The following ANKRD26 variants were observed in gnomAD, a reference collection of about 807,000 sequenced individuals.
ANKRD26 encodes the protein ankyrin repeat domain 26, also known as ankyrin repeat domain-containing protein 26.
A neutral mutation model predicts 208.7 loss-of-function variants in ANKRD26; 141 were observed. The observed-to-expected ratio is 0.68, with a 90% CI of 0.59 to 0.78. The LOEUF is 0.78. ANKRD26 is among the 30% of genes least tolerant of loss of function. ANKRD26 has a pLI of 0.00. For missense variants in ANKRD26, 1,889 were observed against 1,938.7 expected, an observed-to-expected ratio of 0.97 and a Z score of 0.48; for synonymous variants, 636 against 660.4, an observed-to-expected ratio of 0.96 and a Z score of 0.57.
intron 28 of ANKRD26, among the ~76,000 whole-genome samples, chr10:27,023,251 A>T (rs1206779109): frequency 6.6e-6 from 1 of 152,120 alleles, no homozygotes; most frequent in Non-Finnish European, 1.5e-5. Flanking sequence ...CGGAGCCAGG[A>T]GAATGGCTTG....
the ANKRD26 span, among the ~76,000 whole-genome samples, chr10:26,966,398 G>T: frequency 6.6e-6 from 1 of 152,154 alleles, no homozygotes; most frequent in African/African-American, 2.4e-5. Flanking sequence ...GCCAAACACT[G>T]CATGTTCTCA....
chr10:27,025,011 T>A (rs2053613799), intron 27 of ANKRD26, among the ~76,000 whole-genome samples: 1 of 152,236 alleles, frequency 6.6e-6, no homozygotes, highest in Admixed American at 6.5e-5. Context: ...TCTCTCATTC[T>A]CTATAAACAT....
rs373973624 is a variant in ANKRD26, at chr10:27,022,645, T to A, written c.4128A>T (p.Glu1376Asp). The A allele has an allele frequency of 6.3e-7, 1 of 1,580,918 alleles. No homozygotes were observed. Among genetic ancestry groups the A allele is most frequent in the Non-Finnish European group, 8.7e-7 (1 of 1,154,830 alleles). Residue 1376 changes from glutamate (E) to aspartate (D), a missense_variant, in exon 29 of 34, where the codon GAA becomes GAT. Physicochemically the swap from Glu to Asp is conservative, Grantham distance 45. This residue lies in a region of ANKRD26 where 613 missense variants were observed against 648.2 expected (regional missense o/e 0.95). Transcript: ENST00000376087. ...LLKMTRKKLN[E>D]YENGEFSFHG... is the part of the protein sequence containing the mutation. Reference sequence around the variant, plus strand: ...GGAAACTAAATTCTCCATTTTCATATTCATTTAACTTCTTTCTTGTCATTT... The same window carrying A: ...GGAAACTAAATTCTCCATTTTCATAATCATTTAACTTCTTTCTTGTCATTT...
chr10:27,034,970 TTTA>T lies in ANKRD26; in HGVS notation c.3477_3479del (p.Asn1159del). 6.2e-7 allele frequency: 1 copy of T among 1,614,136 alleles called. No individual in the cohort carries two copies. The highest frequency in any genetic ancestry group is 1.1e-5 in the South Asian group (1 of 91,080). On this transcript the variant is annotated inframe_deletion, in exon 24 of 34. Transcript: ENST00000376087. ...CTTGGATATTAATCACTGTCTTCTCTTTATTGTCAGCCTTGTTGTGGGCATCAT... is the reference window on the plus strand; with the variant it reads ...CTTGGATATTAATCACTGTCTTCTCTTTGTCAGCCTTGTTGTGGGCATCAT...
At chr10:27,018,227 C>T (rs574533013) in intron 29 of ANKRD26, among the ~76,000 whole-genome samples, 3 of 150,220 alleles carry the variant, frequency 2.0e-5, no homozygotes, top group Admixed American at 6.6e-5. Context: ...CTTTGCCTCC[C>T]GGGTTCATGC....
Position 27,034,961 on chromosome 10 carries a change from T to C in ANKRD26, c.3489A>G (p.Thr1163=), listed in dbSNP as rs768000436. The change falls in exon 24 of 34, where the codon ACA becomes ACG. Residue 1163 remains threonine (T), a synonymous_variant. Coordinates refer to ENST00000376087, the MANE Select transcript of ANKRD26 (RefSeq NM_014915.3). The part of the protein sequence containing the change: ...AHNKADNKEK[T]VINIQDQFHA... The stretch of plus-strand genomic sequence containing the variant: ...GAAACTGGTCTTGGATATTAATCAC[T>C]GTCTTCTCTTTATTGTCAGCCTTGT... The C allele has an allele frequency of 1.2e-6, 2 of 1,614,150 alleles. No individual in the cohort carries two copies. Among genetic ancestry groups the C allele is most frequent in the South Asian group, 2.2e-5 (2 of 91,084 alleles).
At chr10:26,948,747 G>T in the ANKRD26 span, among the ~76,000 whole-genome samples, 1 of 152,196 alleles carries the variant, frequency 6.6e-6, no homozygotes, top group Non-Finnish European at 1.5e-5. Flanking sequence ...CAGCACTTTG[G>T]GAGGACGAGG....
chr10:27,061,074 C>A, intron 13 of ANKRD26, 70 bp downstream of exon 13: 1 of 1,149,208 alleles, frequency 8.7e-7, no homozygotes, highest in South Asian at 1.2e-5. Flanking sequence ...AGAAAGTGTT[C>A]TGAATTGATC....
chr10:27,082,909 AGTTT>A, intron 5 of ANKRD26, 76 bp from the exon 6 acceptor site: 1 of 1,510,276 alleles, frequency 6.6e-7, no homozygotes, highest in Non-Finnish European at 8.9e-7. Context: ...TAAGACTGAT[AGTTT>A]GTTACAAAGT....
At chr10:27,033,136 G>T in intron 25 of ANKRD26, 89 bp downstream of exon 25, 5 of 865,004 alleles carry the variant, frequency 5.8e-6, no homozygotes, top group South Asian at 2.6e-5. Context: ...AAACACAAAA[G>T]AAGGCTACCC....
intron 5 of ANKRD26, among the ~76,000 whole-genome samples, chr10:26,979,525 T>C (rs967146210): frequency 1.4e-4 from 21 of 152,170 alleles, no homozygotes; most frequent in Admixed American, 1.3e-3. Context: ...ATGAGATAGT[T>C]TTCTTAGACA....
rs1265955562 is a variant in ANKRD26, at chr10:27,067,270, G to A, written c.1094C>T (p.Pro365Leu). 1 of 1,612,948 alleles carries A rather than the reference G, an allele frequency of 6.2e-7. No homozygotes were observed. Among genetic ancestry groups the A allele is most frequent in the Non-Finnish European group, 8.5e-7 (1 of 1,179,854 alleles). ...ACCATTTTCTTTTTTTGCAATGCCT[G>A]GCTTTGTTGGTTCTTCCTATTAAAA... Reference protein sequence around the residue: ...PGLMKEEPTKPGIAKKENGID... With the variant: ...PGLMKEEPTKLGIAKKENGID... The change falls in exon 10 of 34, where the codon CCA becomes CTA. Residue 365 changes from proline (P) to leucine (L), a missense_variant. Physicochemically the swap from Pro to Leu is moderately conservative, Grantham distance 98. Coordinates refer to ENST00000376087, the MANE Select transcript of ANKRD26 (RefSeq NM_014915.3).
intron 6 of ANKRD26, among the ~76,000 whole-genome samples, chr10:27,082,080 A>G (rs1172763042): frequency 2.7e-5 from 4 of 147,764 alleles, no homozygotes; most frequent in African/African-American, 4.9e-5. Context: ...AAAAAGGGAG[A>G]GAGAGAAACA....
the ANKRD26 span, among the ~76,000 whole-genome samples, chr10:26,963,074 A>G: frequency 2.6e-5 from 4 of 152,162 alleles, no homozygotes; most frequent in Non-Finnish European, 5.9e-5. Context: ...TTGTTTGTCC[A>G]AGATCACAAA....
At chr10:26,987,543 G>A (rs1171484125), downstream of ANKRD26, among the ~76,000 whole-genome samples, 1 of 152,120 alleles carries the variant, frequency 6.6e-6, no homozygotes, top group Non-Finnish European at 1.5e-5. Flanking sequence ...AAATCAGACC[G>A]ATCTGTATAC....
chr10:27,019,302 TA>T (rs1318802785), intron 29 of ANKRD26, among the ~76,000 whole-genome samples: 1 of 151,702 alleles, frequency 6.6e-6, no homozygotes. Flanking sequence ...AAAATAGTAA[TA>T]AAAAATAAAG....
At chr10:27,084,944 T>C (rs1370523576) in intron 5 of ANKRD26, among the ~76,000 whole-genome samples, 1 of 151,838 alleles carries the variant, frequency 6.6e-6, no homozygotes, top group African/African-American at 2.4e-5. Context: ...CCATTGGACA[T>C]TTTTGTACTT....
chr10:27,005,505 CCTTT>C lies in ANKRD26; in HGVS notation c.*81_*84del, dbSNP rs1332740975. ...GACATATATGATACAAAAATACGTTCCTTTAATATTTTTACATGTCATATATTAA... is the reference window on the plus strand; with the variant it reads ...GACATATATGATACAAAAATACGTTCAATATTTTTACATGTCATATATTAA... On this transcript the variant is annotated 3_prime_UTR_variant, in exon 34 of 34. Transcript: ENST00000376087. 6.4e-7 allele frequency: 1 copy of C among 1,551,670 alleles called. No homozygotes were observed. The highest frequency in any genetic ancestry group is 8.7e-7 in the Non-Finnish European group (1 of 1,146,888).
At chr10:27,041,014 G>T (rs578038270) in intron 20 of ANKRD26, among the ~76,000 whole-genome samples, 1 of 149,390 alleles carries the variant, frequency 6.7e-6, no homozygotes. Context: ...CTGGGCAACA[G>T]AGCGAGACTC....
Sources: gnomAD v4.1 joint callset for allele counts (sites outside exome capture counted in the v4.1 genomes callset) on GRCh38, gnomAD v4.1.1 for gene constraint, gnomAD v4.1.1 regional missense constraint, MANE v1.5 for transcripts, NCBI Gene and HGNC (gene_info 2026-07-23, HGNC 2026-07-21) for gene names.